Variants in LRRC8B observed in about 807,000 individuals in gnomAD.
LRRC8B encodes the protein volume-regulated anion channel subunit LRRC8B.
In LRRC8B, 23 loss-of-function variants were observed where a neutral mutation model predicts 58.8. The ratio of observed to expected loss-of-function variants is 0.39; its 90% CI spans 0.28 to 0.55. The LOEUF is 0.55. LRRC8B is among the 20% of genes least tolerant of loss of function. The pLI is 0.62. For synonymous variants in LRRC8B, 359 were observed against 374.1 expected (o/e 0.96, Z 0.47); for missense variants, 694 against 936.0 (o/e 0.74, Z 3.37).
intron 1 of LRRC8B, among the ~76,000 whole-genome samples, chr1:89,554,524 C>T (rs1175526009): frequency 1.3e-5 from 2 of 152,140 alleles, no homozygotes; most frequent in South Asian, 2.1e-4. Flanking sequence ...TTTCGATTGC[C>T]TTCATTACCT....
chr1:89,580,393 T>C (rs1032900373), intron 4 of LRRC8B, among the ~76,000 whole-genome samples: 1 of 152,228 alleles, frequency 6.6e-6, no homozygotes, highest in African/African-American at 2.4e-5. Context: ...TTATAATCAG[T>C]ATTTCAGCGT....
Position 89,593,107 on chromosome 1 carries a change from G to T in LRRC8B, c.*64G>T, listed in dbSNP as rs746197495. On this transcript the variant is annotated 3_prime_UTR_variant, in exon 6 of 6. Transcript: ENST00000330947. ...AAAGTATGCTCGGCCGGGCGTGGTG[G>T]CTCATGCCTATAATCCCAGCACTTT... 10 of 1,526,610 alleles carry T rather than the reference G, an allele frequency of 6.6e-6. No individual in the cohort carries two copies. In the Admixed American group the frequency reaches 1.2e-4, roughly 19 times the overall value. The allele number at this position is 1,526,610 out of a possible 1,614,324, so 94.6% of individuals were successfully genotyped here.
rs1655098475 is a variant in LRRC8B, at chr1:89,593,126, G to A, written c.*83G>A. The stretch of plus-strand genomic sequence containing the variant: ...GTGGTGGCTCATGCCTATAATCCCA[G>A]CACTTTGGGAGGCCAAGATGGGCGG... On this transcript the variant is annotated 3_prime_UTR_variant, in exon 6 of 6. Transcript: ENST00000330947. 7.0e-6 allele frequency: 10 copies of A among 1,427,436 alleles called. No homozygotes were observed. Among genetic ancestry groups the A allele is most frequent in the Non-Finnish European group, 9.6e-6 (10 of 1,039,410 alleles). The allele number at this position is 1,427,436 out of a possible 1,614,324, so 88.4% of individuals were successfully genotyped here.
In LRRC8B at chr1:89,547,388, A is replaced by G. The variant is rs533555694; in HGVS notation, c.-240-20859A>G. ...TATATCTAGAATCTGTTTCAAAATAATCCAATGAGGGTGAGTATTGTGGTG... is the reference window on the plus strand; with the variant it reads ...TATATCTAGAATCTGTTTCAAAATAGTCCAATGAGGGTGAGTATTGTGGTG... On this transcript the variant is annotated intron_variant, in intron 1 of 5. Transcript: ENST00000330947. 9.8e-5 allele frequency among the ~76,000 whole-genome samples: 15 copies of G among 152,322 alleles called. No individual in the cohort carries two copies. In the East Asian group the frequency reaches 2.9e-3, roughly 29 times the overall value.
At chr1:89,526,459 C>A (rs1180810357) in intron 1 of LRRC8B, among the ~76,000 whole-genome samples, 1 of 152,168 alleles carries the variant, frequency 6.6e-6, no homozygotes, top group Non-Finnish European at 1.5e-5. Flanking sequence ...AAGTGACCCA[C>A]CCACCTCGGC....
rs1228155517 is a variant in LRRC8B, at chr1:89,528,030, CTGCTTTTGA to C, written c.-241+3010_-241+3018del. ...CCTTTTTGCCTTTCTGACCTTTTTG[CTGCTTTTGA>C]TATGGGTCATGTGATTCTGCTTGTT... On this transcript the variant is annotated intron_variant, in intron 1 of 5. Coordinates refer to ENST00000330947, the MANE Select transcript of LRRC8B (RefSeq NM_001369817.2). Among the ~76,000 whole-genome samples, 4 of 152,284 alleles carry C rather than the reference CTGCTTTTGA, an allele frequency of 2.6e-5. No individual in the cohort carries two copies. In the East Asian group the frequency reaches 7.7e-4, roughly 29 times the overall value.
At chr1:89,572,572 T>G (rs2101018616) in intron 3 of LRRC8B, 1 of 152,382 alleles carries the variant, frequency 6.6e-6, no homozygotes, top group Admixed American at 6.5e-5. Flanking sequence ...TTGAGATTCT[T>G]TCGTCCACTT....
Position 89,594,129 on chromosome 1 carries a change from G to A in LRRC8B, c.*1086G>A, listed in dbSNP as rs146398478. On this transcript the variant is annotated 3_prime_UTR_variant, in exon 6 of 6. Coordinates refer to ENST00000330947, the MANE Select transcript of LRRC8B (RefSeq NM_001369817.2). ...GTAAAACATATAAATATTTTCTATTGTATAATCTTGGATTCAACATCTGTG... is the reference window on the plus strand; with the variant it reads ...GTAAAACATATAAATATTTTCTATTATATAATCTTGGATTCAACATCTGTG... 5 of 152,034 alleles carry A rather than the reference G, an allele frequency of 3.3e-5. No individual in the cohort carries two copies. In the East Asian group the frequency reaches 9.6e-4, roughly 29 times the overall value. The allele number at this position is 152,034 out of a possible 1,614,324, so 9.4% of individuals were successfully genotyped here.
intron 1 of LRRC8B, among the ~76,000 whole-genome samples, chr1:89,559,534 T>A (rs893867410): frequency 2.0e-5 from 3 of 149,188 alleles, no homozygotes; most frequent in Non-Finnish European, 4.5e-5. Flanking sequence ...CTCGGGAGGC[T>A]AAGGTGGGGT....
At chr1:89,587,763 T>C (rs189438168) in intron 5 of LRRC8B, 36 of 152,206 alleles carry the variant, frequency 2.4e-4, no homozygotes, top group African/African-American at 8.7e-4. Context: ...ATATTAGGTA[T>C]CTCATATTAC....
intron 3 of LRRC8B, among the ~76,000 whole-genome samples, chr1:89,572,200 T>C (rs1210421510): frequency 6.6e-6 from 1 of 152,218 alleles, no homozygotes. Flanking sequence ...GGGTTTCAGC[T>C]GAGAGGTTCG....
chr1:89,526,210 G>C (rs1649685932), intron 1 of LRRC8B, among the ~76,000 whole-genome samples: 1 of 152,114 alleles, frequency 6.6e-6, no homozygotes. Context: ...AATGCTCTTT[G>C]TTTTGTTTCT....
At chr1:89,560,029 G>A (rs1182536565) in intron 1 of LRRC8B, among the ~76,000 whole-genome samples, 1 of 152,168 alleles carries the variant, frequency 6.6e-6, no homozygotes, top group Non-Finnish European at 1.5e-5. Context: ...TCATAGCATT[G>A]TGGGAAACTG....
chr1:89,588,434 T>C (rs992349127), intron 5 of LRRC8B, among the ~76,000 whole-genome samples: 8 of 152,180 alleles, frequency 5.3e-5, no homozygotes, highest in Admixed American at 4.6e-4. Context: ...TCTTGTGTTC[T>C]GTGAAGCATA....
At chr1:89,568,913 A>G (rs1003445431) in intron 3 of LRRC8B, among the ~76,000 whole-genome samples, 5 of 152,178 alleles carry the variant, frequency 3.3e-5, no homozygotes, top group South Asian at 2.1e-4. Flanking sequence ...ACTTCTATTA[A>G]GTAAAAGATG....
At chr1:89,530,561 A>C (rs993208035) in intron 1 of LRRC8B, among the ~76,000 whole-genome samples, 1 of 152,172 alleles carries the variant, frequency 6.6e-6, no homozygotes, top group Non-Finnish European at 1.5e-5. Context: ...ATTTTTGTAG[A>C]GGGCCAGAGG....
At chr1:89,532,294 A>T (rs574203739) in intron 1 of LRRC8B, among the ~76,000 whole-genome samples, 51 of 152,246 alleles carry the variant, frequency 3.3e-4, no homozygotes, top group Middle Eastern at 6.8e-3. Flanking sequence ...TGAAAGCAAG[A>T]ACTTTGTCTC....
At chr1:89,576,453 A>C (rs1395975025) in intron 3 of LRRC8B, among the ~76,000 whole-genome samples, 1 of 152,130 alleles carries the variant, frequency 6.6e-6, no homozygotes, top group Non-Finnish European at 1.5e-5. Flanking sequence ...GCCTGGGTTT[A>C]CGTTTCTTTT....
At chr1:89,591,465 T>A (rs1398250889) in intron 5 of LRRC8B, among the ~76,000 whole-genome samples, 3 of 152,222 alleles carry the variant, frequency 2.0e-5, no homozygotes, top group Non-Finnish European at 4.4e-5. Context: ...AGGGTAGATA[T>A]TTTTCCCTTT....
Sources: allele counts gnomAD v4.1 joint callset (sites outside exome capture counted in the v4.1 genomes callset), GRCh38; gene constraint gnomAD v4.1.1; transcripts MANE v1.5; gene names NCBI Gene and HGNC (gene_info 2026-07-23, HGNC 2026-07-21).